Variants in ROBO2 observed in about 807,000 individuals in gnomAD.
ROBO2 encodes roundabout homolog 2.
Under a neutral mutation model 160.8 loss-of-function variants are expected in ROBO2, and 53 were observed. The observed-to-expected ratio is 0.33, with a 90% CI of 0.26 to 0.41. ROBO2 has a LOEUF of 0.41. Ranked by LOEUF, ROBO2 falls within the 10% of genes least tolerant of loss-of-function variation. The pLI, the probability that ROBO2 is intolerant of heterozygous loss-of-function variation, is 1.00. For synonymous variants in ROBO2, 664 were observed against 611.7 expected, an observed-to-expected ratio of 1.09 and a Z score of -1.26; for missense variants, 1,577 against 1,722.4, an observed-to-expected ratio of 0.92 and a Z score of 1.49.
At chr3:76,025,518 T>C (rs181477571) in intron 2 of ROBO2, among the ~76,000 whole-genome samples, 2 of 151,890 alleles carry the variant, frequency 1.3e-5, no homozygotes, top group Admixed American at 1.3e-4. Context: ...ATATCAATCA[T>C]CTATTTGTGA....
chr3:75,999,320 A>G (rs1193189591), intron 2 of ROBO2, among the ~76,000 whole-genome samples: 1 of 152,194 alleles, frequency 6.6e-6, no homozygotes, highest in African/African-American at 2.4e-5. Flanking sequence ...TAGAATCTCT[A>G]CAAGTCCAAG....
At chr3:76,218,411 AC>A (rs1201860747) in intron 2 of ROBO2, among the ~76,000 whole-genome samples, 1 of 152,036 alleles carries the variant, frequency 6.6e-6, no homozygotes, top group Non-Finnish European at 1.5e-5. Flanking sequence ...TATCTAGAAA[AC>A]CCCATTGTCT....
chr3:77,640,083 ACTGCAGAGG>A, intron 24 of ROBO2, among the ~76,000 whole-genome samples: 1 of 147,172 alleles, frequency 6.8e-6, no homozygotes, highest in South Asian at 2.2e-4. Flanking sequence ...GAGAAGAAAC[ACTGCAGAGG>A]AAGCATTTTT....
intron 16 of ROBO2, among the ~76,000 whole-genome samples, chr3:77,581,010 A>C (rs1266240336): frequency 1.3e-5 from 2 of 152,112 alleles, no homozygotes; most frequent in Non-Finnish European, 2.9e-5. Context: ...TGATGTTTCC[A>C]GTTTTTGTGA....
At chr3:77,435,762 G>A (rs985063111) in intron 2 of ROBO2, among the ~76,000 whole-genome samples, 3 of 151,556 alleles carry the variant, frequency 2.0e-5, no homozygotes, top group Non-Finnish European at 3.0e-5. Flanking sequence ...GAAACAGGGT[G>A]GACAAAGGTC....
chr3:77,551,990 C>T (rs1025919481), intron 8 of ROBO2, among the ~76,000 whole-genome samples: 3 of 151,874 alleles, frequency 2.0e-5, no homozygotes, highest in African/African-American at 4.8e-5. Context: ...GACATTGAGT[C>T]GTTAATGGCT....
chr3:77,276,993 G>A (rs529264402), intron 2 of ROBO2, among the ~76,000 whole-genome samples: 22 of 152,222 alleles, frequency 1.4e-4, no homozygotes, highest in African/African-American at 5.3e-4. Context: ...CCCTGCCCTT[G>A]ACTCATGGGG....
At chr3:76,031,967 A>G (rs1040571901) in intron 2 of ROBO2, among the ~76,000 whole-genome samples, 1 of 152,172 alleles carries the variant, frequency 6.6e-6, no homozygotes, top group Non-Finnish European at 1.5e-5. Flanking sequence ...TACCTCTGGT[A>G]GAATTCAGCT....
chr3:76,721,749 T>G (rs1334384128), intron 2 of ROBO2, among the ~76,000 whole-genome samples: 1 of 152,226 alleles, frequency 6.6e-6, no homozygotes, highest in Admixed American at 6.5e-5. Flanking sequence ...GTCATGATCA[T>G]AAGGCTGAAT....
chr3:77,222,481 A>T (rs1480430935), intron 2 of ROBO2, among the ~76,000 whole-genome samples: 2 of 152,104 alleles, frequency 1.3e-5, no homozygotes, highest in South Asian at 2.1e-4. Context: ...ACTTTTTTTT[A>T]AATGGAAACT....
intron 2 of ROBO2, among the ~76,000 whole-genome samples, chr3:77,405,863 G>A (rs1172537310): frequency 1.3e-5 from 2 of 152,122 alleles, no homozygotes; most frequent in African/African-American, 2.4e-5. Context: ...TTTACTATCT[G>A]ACCCATTGAA....
intron 15 of ROBO2, among the ~76,000 whole-genome samples, chr3:77,579,611 C>T (rs1233594510): frequency 6.6e-6 from 1 of 152,082 alleles, no homozygotes; most frequent in African/African-American, 2.4e-5. Flanking sequence ...CCATTTGCAA[C>T]CAAAGACCAC....
intron 2 of ROBO2, among the ~76,000 whole-genome samples, chr3:76,067,935 G>T (rs761350915): frequency 9.9e-5 from 15 of 152,188 alleles, no homozygotes; most frequent in African/African-American, 3.4e-4. Flanking sequence ...AACAACGGGC[G>T]AAAATTTGTG....
At chr3:77,305,160 G>A (rs1199436232) in intron 2 of ROBO2, among the ~76,000 whole-genome samples, 2 of 152,044 alleles carry the variant, frequency 1.3e-5, no homozygotes, top group African/African-American at 4.8e-5. Flanking sequence ...TTTATTTTAG[G>A]GAGATTTTCA....
intron 2 of ROBO2, among the ~76,000 whole-genome samples, chr3:76,836,964 T>G (rs2109437151): frequency 6.6e-6 from 1 of 151,980 alleles, no homozygotes. Flanking sequence ...CTCTATCAGT[T>G]ACTTTTTTAA....
chr3:76,514,682 C>T (rs1405581604), intron 2 of ROBO2, among the ~76,000 whole-genome samples: 2 of 152,094 alleles, frequency 1.3e-5, no homozygotes, highest in East Asian at 1.9e-4. Context: ...TGGAAACCCA[C>T]TTCTAAATGT....
intron 2 of ROBO2, among the ~76,000 whole-genome samples, chr3:77,098,546 T>C (rs1036046919): frequency 6.6e-6 from 1 of 151,996 alleles, no homozygotes; most frequent in African/African-American, 2.4e-5. Context: ...AGATGACCAA[T>C]ATGTTATTAT....
At chr3:76,637,538 G>T (rs1578765913) in intron 2 of ROBO2, among the ~76,000 whole-genome samples, 1 of 152,134 alleles carries the variant, frequency 6.6e-6, no homozygotes, top group African/African-American at 2.4e-5. Flanking sequence ...ACTGAGTGTG[G>T]AGGCTGATTT....
intron 2 of ROBO2, among the ~76,000 whole-genome samples, chr3:75,940,277 A>G (rs1263329507): frequency 6.6e-6 from 1 of 152,174 alleles, no homozygotes; most frequent in Non-Finnish European, 1.5e-5. Context: ...ACTGTGTGCA[A>G]CCACTACTTA....
Sources: allele counts gnomAD v4.1 joint callset (sites outside exome capture counted in the v4.1 genomes callset), GRCh38; gene constraint gnomAD v4.1.1; transcripts MANE v1.5; gene names NCBI Gene and HGNC (gene_info 2026-07-23, HGNC 2026-07-21).